The following SLC29A3 variants were observed in gnomAD, a reference collection of about 807,000 sequenced individuals.
SLC29A3 encodes the protein solute carrier family 29 member 3.
In SLC29A3, 18 loss-of-function variants were observed where a neutral mutation model predicts 25.4. The observed-to-expected ratio is 0.71, with a 90% CI of 0.49 to 1.05. The LOEUF (loss-of-function observed/expected upper bound fraction) is 1.05, where lower values mean the gene tolerates loss of function less well. Among genes scored for constraint, SLC29A3 ranks in the 50% least tolerant of loss-of-function variants. The pLI is 0.00. For synonymous variants in SLC29A3, 258 were observed against 267.1 expected, an observed-to-expected ratio of 0.97 and a Z score of 0.33; for missense variants, 586 against 609.0, an observed-to-expected ratio of 0.96 and a Z score of 0.40.
chr10:71,334,764 A>T (rs1846201800), intron 2 of SLC29A3, among the ~76,000 whole-genome samples: 1 of 150,838 alleles, frequency 6.6e-6, no homozygotes. Context: ...GCCTCCCCCC[A>T]TCCCCATTCA....
intron 2 of SLC29A3, among the ~76,000 whole-genome samples, chr10:71,340,690 T>G (rs1218034158): frequency 1.3e-5 from 2 of 152,336 alleles, no homozygotes; most frequent in Middle Eastern, 3.4e-3. Flanking sequence ...GGAGCTGTAT[T>G]CAAATGTTTT....
chr10:71,369,140 T>C (rs1457690022), intron 3 of SLC29A3, among the ~76,000 whole-genome samples: 11 of 152,228 alleles, frequency 7.2e-5, no homozygotes, highest in Admixed American at 7.2e-4. Flanking sequence ...AAGATGGCCC[T>C]CTGTCAACCA....
At chr10:71,332,531 T>C (rs1846144903) in intron 2 of SLC29A3, among the ~76,000 whole-genome samples, 1 of 152,156 alleles carries the variant, frequency 6.6e-6, no homozygotes, top group Admixed American at 6.5e-5. Context: ...AAGAAGTGTA[T>C]TAAAGTGGGA....
chr10:71,344,232 C>A lies in SLC29A3; in HGVS notation c.324C>A (p.Ala108=), dbSNP rs753440225. The A allele has an allele frequency of 6.2e-7, 1 of 1,614,124 alleles. No individual in the cohort carries two copies. Among genetic ancestry groups the A allele is most frequent in the South Asian group, 1.1e-5 (1 of 91,078 alleles). The stretch of plus-strand genomic sequence containing the variant: ...AGAACTACTTTGAGAGCTACCTTGC[C>A]GTTGCCTCCACCGTGCCCTCCATGC... ...DILNYFESYL[A]VASTVPSMLC... is the part of the protein sequence containing the mutation. Residue 108 remains alanine, a synonymous_variant, in exon 3 of 6, where the codon GCC becomes GCA. Transcript: ENST00000373189.
intron 2 of SLC29A3, among the ~76,000 whole-genome samples, chr10:71,340,799 G>A (rs1006310919): frequency 1.3e-5 from 2 of 152,222 alleles, no homozygotes; most frequent in Admixed American, 1.3e-4. Context: ...TGGCTACAAA[G>A]TAAATAATCA....
At chr10:71,381,110 A>C (rs1297218703) in exon 5 of SLC29A3, 1 of 152,204 alleles carries the variant, frequency 6.6e-6, no homozygotes, top group East Asian at 1.9e-4. Flanking sequence ...TCTTGTATAA[A>C]ACATAACCAC....
downstream of SLC29A3, among the ~76,000 whole-genome samples, chr10:71,366,873 A>C (rs189201329): frequency 6.6e-6 from 1 of 152,314 alleles, no homozygotes; most frequent in East Asian, 1.9e-4. Context: ...CTATTCTACC[A>C]TCGTCACTTC....
At chr10:71,376,823 G>A (rs1022463214) in intron 4 of SLC29A3, among the ~76,000 whole-genome samples, 1 of 152,170 alleles carries the variant, frequency 6.6e-6, no homozygotes, top group Admixed American at 6.5e-5. Flanking sequence ...GAATGCAGTG[G>A]TGTGATCTCA....
At chr10:71,365,950 G>A (rs1589246688), downstream of SLC29A3, 1 of 151,978 alleles carries the variant, frequency 6.6e-6, no homozygotes, top group Non-Finnish European at 1.5e-5. Context: ...CAGTTTTTAG[G>A]GCACCATACA....
chr10:71,374,083 TG>T (rs879605990), intron 3 of SLC29A3, among the ~76,000 whole-genome samples: 30 of 152,246 alleles, frequency 2.0e-4, no homozygotes, highest in African/African-American at 6.0e-4. Flanking sequence ...AACTTACATA[TG>T]AAAACACCTG....
intron 2 of SLC29A3, among the ~76,000 whole-genome samples, chr10:71,339,543 G>A (rs147658540): frequency 3.3e-5 from 5 of 152,232 alleles, no homozygotes; most frequent in Non-Finnish European, 7.4e-5. Flanking sequence ...TGGGGGTTGA[G>A]TGCCTTGGCT....
intron 2 of SLC29A3, among the ~76,000 whole-genome samples, chr10:71,334,523 A>G (rs913631207): frequency 1.3e-5 from 2 of 152,212 alleles, no homozygotes; most frequent in African/African-American, 4.8e-5. Context: ...TTTGCTAGCC[A>G]TCTCTTTGAC....
Position 71,363,079 on chromosome 10 carries a change from A to T in SLC29A3, c.*471A>T, listed in dbSNP as rs1026827394. Reference sequence around the variant, plus strand: ...CTCCCTGGAATGGAAGTCCCCTGGCATGGTCAGTCCTCAGGCCCAAGACTC... The same window carrying T: ...CTCCCTGGAATGGAAGTCCCCTGGCTTGGTCAGTCCTCAGGCCCAAGACTC... On this transcript the variant is annotated 3_prime_UTR_variant, in exon 6 of 6. Coordinates refer to ENST00000373189, the MANE Select transcript of SLC29A3 (RefSeq NM_018344.6). The T allele has an allele frequency of 2.2e-6, 1 of 451,810 alleles. No individual in the cohort carries two copies. The highest frequency in any genetic ancestry group is 4.4e-6 in the Non-Finnish European group (1 of 225,240). The allele number at this position is 451,810 out of a possible 1,614,324, so 28.0% of individuals were successfully genotyped here. A position where few individuals can be genotyped will look rare whatever the true frequency, so the allele number is the denominator to read the frequency against.
chr10:71,369,222 G>A (rs560054445), intron 3 of SLC29A3, among the ~76,000 whole-genome samples: 1 of 152,288 alleles, frequency 6.6e-6, no homozygotes, highest in African/African-American at 2.4e-5. Flanking sequence ...CTAGAACTGT[G>A]AGGAATAAAT....
At chr10:71,345,338 TGCA>T (rs1244341680) in intron 3 of SLC29A3, among the ~76,000 whole-genome samples, 1 of 152,246 alleles carries the variant, frequency 6.6e-6, no homozygotes, top group Non-Finnish European at 1.5e-5. Flanking sequence ...CAGCTGGAGC[TGCA>T]GCCATTCATA....
chr10:71,324,274 T>G (rs1281186063), intron 2 of SLC29A3, among the ~76,000 whole-genome samples: 1 of 152,144 alleles, frequency 6.6e-6, no homozygotes, highest in Admixed American at 6.5e-5. Context: ...AGGGTTCACT[T>G]TAGATGCAGA....
At chr10:71,339,140 A>G (rs1028820783) in intron 2 of SLC29A3, among the ~76,000 whole-genome samples, 4 of 152,216 alleles carry the variant, frequency 2.6e-5, no homozygotes, top group African/African-American at 4.8e-5. Context: ...TGTGAGCCTC[A>G]GGCTGCTTAT....
chr10:71,381,217 G>A (rs1847300958), exon 5 of SLC29A3: 1 of 152,202 alleles, frequency 6.6e-6, no homozygotes, highest in South Asian at 2.1e-4. Context: ...ATGATGGTGT[G>A]TCAGTGCAGG....
chr10:71,353,206 A>G (rs1199651512), intron 4 of SLC29A3, among the ~76,000 whole-genome samples: 1 of 152,200 alleles, frequency 6.6e-6, no homozygotes, highest in Non-Finnish European at 1.5e-5. Context: ...CATTTCTGAG[A>G]TCAGATTAGG....
Sources: allele counts gnomAD v4.1 joint callset (sites outside exome capture counted in the v4.1 genomes callset), GRCh38; gene constraint gnomAD v4.1.1; transcripts MANE v1.5; gene names NCBI Gene and HGNC (gene_info 2026-07-23, HGNC 2026-07-21).